The following SUPT3H variants were observed in gnomAD, a reference collection of about 807,000 sequenced individuals.
SUPT3H encodes the protein SPT3 homolog, SAGA and STAGA complex component.
SUPT3H carries 44 observed loss-of-function variants against 44.3 expected under a neutral mutation model. The observed-to-expected ratio is 0.99, with a 90% CI of 0.78 to 1.28. The LOEUF is 1.28. Ranked by LOEUF, SUPT3H falls within the 50% of genes most tolerant of loss-of-function variation. SUPT3H has a pLI of 0.00. For missense variants in SUPT3H, 380 were observed against 387.1 expected (o/e 0.98, Z 0.15); for synonymous variants, 124 against 125.6 (o/e 0.99, Z 0.09).
At chr6:45,178,102 C>T (rs896790348) in intron 2 of SUPT3H, among the ~76,000 whole-genome samples, 5 of 151,908 alleles carry the variant, frequency 3.3e-5, no homozygotes, top group Non-Finnish European at 7.4e-5. Flanking sequence ...ATTAAATGCT[C>T]CAATTAGAAG....
intron 2 of SUPT3H, among the ~76,000 whole-genome samples, chr6:45,313,194 G>A (rs1784219068): frequency 6.6e-6 from 1 of 151,964 alleles, no homozygotes; most frequent in Non-Finnish European, 1.5e-5. Context: ...GGTTGAAAGA[G>A]CACAAACAGA....
At chr6:45,297,741 G>A (rs1562903864) in intron 2 of SUPT3H, among the ~76,000 whole-genome samples, 1 of 151,986 alleles carries the variant, frequency 6.6e-6, no homozygotes, top group Non-Finnish European at 1.5e-5. Flanking sequence ...CATTACTAAT[G>A]GTATATAAAA....
intron 2 of SUPT3H, among the ~76,000 whole-genome samples, chr6:45,114,903 C>CAT (rs1800613897): frequency 1.3e-5 from 2 of 152,144 alleles, no homozygotes. Flanking sequence ...ATCTCAAGGT[C>CAT]ATAAGTCCAG....
At chr6:44,936,179 T>C (rs540632663) in intron 9 of SUPT3H, among the ~76,000 whole-genome samples, 1 of 152,308 alleles carries the variant, frequency 6.6e-6, no homozygotes, top group South Asian at 2.1e-4. Flanking sequence ...GTTACACACA[T>C]AGCTCCTCCA....
intron 3 of SUPT3H, among the ~76,000 whole-genome samples, chr6:45,096,968 G>A (rs1370122683): frequency 6.6e-6 from 1 of 152,098 alleles, no homozygotes; most frequent in African/African-American, 2.4e-5. Context: ...TGAAAGGACT[G>A]ACATAACTGA....
At chr6:45,236,159 G>A (rs988453586) in intron 2 of SUPT3H, among the ~76,000 whole-genome samples, 1 of 151,964 alleles carries the variant, frequency 6.6e-6, no homozygotes. Flanking sequence ...CACTCCACAC[G>A]CTATATTTGT....
At chr6:45,130,523 A>T (rs1450325584) in intron 2 of SUPT3H, among the ~76,000 whole-genome samples, 1 of 151,806 alleles carries the variant, frequency 6.6e-6, no homozygotes, top group African/African-American at 2.4e-5. Context: ...TTTGAGGCCT[A>T]GCTCTGTAGC....
At chr6:45,304,447 A>C (rs1782676461) in intron 2 of SUPT3H, among the ~76,000 whole-genome samples, 1 of 152,182 alleles carries the variant, frequency 6.6e-6, no homozygotes, top group Non-Finnish European at 1.5e-5. Context: ...AAATTTTTCC[A>C]CTATTTTATC....
chr6:44,967,919 A>G (rs142030503), intron 6 of SUPT3H, among the ~76,000 whole-genome samples: 2,703 of 152,154 alleles, frequency 0.018, 50 homozygotes, highest in South Asian at 0.091. Context: ...CCTCCTGGGT[A>G]GCTGGGACTA....
intron 2 of SUPT3H, among the ~76,000 whole-genome samples, chr6:45,317,227 C>CAAA (rs70996324): frequency 0.011 from 384 of 36,036 alleles, 38 homozygotes; most frequent in Middle Eastern, 0.023. Context: ...GACTCTGTCT[C>CAAA]AAAAAAAAAA....
At chr6:45,158,862 T>A (rs1165636093) in intron 2 of SUPT3H, 4 of 152,152 alleles carry the variant, frequency 2.6e-5, no homozygotes, top group African/African-American at 9.7e-5. Context: ...CTGAGGTAGG[T>A]GGTCCTTGCT....
At chr6:45,305,311 T>C (rs1052885212) in intron 2 of SUPT3H, among the ~76,000 whole-genome samples, 1 of 152,218 alleles carries the variant, frequency 6.6e-6, no homozygotes, top group Non-Finnish European at 1.5e-5. Context: ...CTACAATATT[T>C]ATTGCTTCCG....
chr6:45,208,070 T>C (rs147033347), intron 2 of SUPT3H, among the ~76,000 whole-genome samples: 38 of 152,318 alleles, frequency 2.5e-4, no homozygotes, highest in African/African-American at 8.7e-4. Context: ...GGGAAAGTTA[T>C]TGGAGGAAAT....
intron 2 of SUPT3H, among the ~76,000 whole-genome samples, chr6:45,293,158 A>T (rs1011104767): frequency 1.3e-5 from 2 of 152,176 alleles, no homozygotes; most frequent in African/African-American, 4.8e-5. Context: ...CAGTGGGATA[A>T]AACTGGAAAT....
chr6:44,931,420 A>G (rs1770569056), intron 10 of SUPT3H, among the ~76,000 whole-genome samples: 1 of 151,846 alleles, frequency 6.6e-6, no homozygotes, highest in African/African-American at 2.4e-5. Flanking sequence ...ACTTCCAATT[A>G]TCTCTTATTT....
intron 10 of SUPT3H, among the ~76,000 whole-genome samples, chr6:44,846,604 T>C (rs1436658082): frequency 6.6e-6 from 1 of 152,016 alleles, no homozygotes; most frequent in Non-Finnish European, 1.5e-5. Flanking sequence ...CTGAGCTTTC[T>C]GAACATTTTT....
chr6:45,261,969 C>A (rs1774433784), intron 2 of SUPT3H, among the ~76,000 whole-genome samples: 1 of 151,998 alleles, frequency 6.6e-6, no homozygotes, highest in Non-Finnish European at 1.5e-5. Context: ...AATGCAATCC[C>A]ACCTACAATA....
chr6:44,836,627 T>G (rs1769956976), intron 10 of SUPT3H, among the ~76,000 whole-genome samples: 1 of 152,178 alleles, frequency 6.6e-6, no homozygotes, highest in Non-Finnish European at 1.5e-5. Flanking sequence ...TACCAAGTTG[T>G]TTTGGCAGTC....
At chr6:44,928,886 A>ATAAATAAAT (rs1474494728) in intron 10 of SUPT3H, among the ~76,000 whole-genome samples, 3 of 122,654 alleles carry the variant, frequency 2.4e-5, no homozygotes, top group African/African-American at 6.5e-5. Context: ...CCGTCTCAAA[A>ATAAATAAAT]AAAAAAAAAA....
Sources: gnomAD v4.1 joint callset for allele counts (sites outside exome capture counted in the v4.1 genomes callset) on GRCh38, gnomAD v4.1.1 for gene constraint, MANE v1.5 for transcripts, NCBI Gene and HGNC (gene_info 2026-07-23, HGNC 2026-07-21) for gene names.